Variants in FIBCD1 observed in about 807,000 individuals in gnomAD.
FIBCD1 encodes fibrinogen C domain containing 1, also known as fibrinogen C domain-containing protein 1.
In FIBCD1, 47 loss-of-function variants were observed where a neutral mutation model predicts 45.1. The observed-to-expected ratio is 1.04, with a 90% confidence interval of 0.82 to 1.33. The LOEUF (loss-of-function observed/expected upper bound fraction) is 1.33. FIBCD1 is among the 40% of genes most tolerant of loss of function. FIBCD1 has a pLI of 0.00. For synonymous variants in FIBCD1, 313 were observed against 308.1 expected (o/e 1.02, Z -0.17); for missense variants, 653 against 682.2 (o/e 0.96, Z 0.48).
intron 5 of FIBCD1, among the ~76,000 whole-genome samples, chr9:130,909,600 A>G (rs1831999888): frequency 6.6e-6 from 1 of 152,224 alleles, no homozygotes; most frequent in South Asian, 2.1e-4. Context: ...AAGAACAACC[A>G]GAAAAATCCA....
At chr9:130,939,999 C>T (rs1424354050), upstream of FIBCD1, among the ~76,000 whole-genome samples, 1 of 151,912 alleles carries the variant, frequency 6.6e-6, no homozygotes, top group African/African-American at 2.4e-5. Flanking sequence ...CAGCTCCAGA[C>T]AGACCCCCGT....
intron 1 of FIBCD1, 89 bp downstream of exon 1, chr9:130,938,447 A>G: frequency 8.5e-7 from 1 of 1,172,210 alleles, no homozygotes; most frequent in Non-Finnish European, 1.1e-6. Flanking sequence ...CCCAAACTCC[A>G]GCCCCCGCAA....
intron 6 of FIBCD1, 137 bp from the exon 7 acceptor site, chr9:130,904,460 TAC>T: frequency 7.8e-7 from 1 of 1,284,522 alleles, no homozygotes; most frequent in Non-Finnish European, 1.1e-6. Flanking sequence ...CTCTCACACA[TAC>T]TGCTGTGCAC....
At position 130,938,805 on chromosome 9, in the gene FIBCD1, G is replaced by T. The variant is rs1220908723; in HGVS notation, c.-198C>A. The T allele has an allele frequency of 6.0e-6, 1 of 166,968 alleles. No individual in the cohort carries two copies. The highest frequency in any genetic ancestry group is 1.2e-5 in the Non-Finnish European group (1 of 80,316). The allele number at this position is 166,968 out of a possible 1,614,324, so 10.3% of individuals were successfully genotyped here. A position where few individuals can be genotyped will look rare whatever the true frequency, so the allele number is the denominator to read the frequency against. ...GCTGTGTGCGGGCGGGAGCAGGAGC[G>T]GGAGCGCGAAAGCCGCCAGCCCAAC... On this transcript the variant is annotated 5_prime_UTR_variant, in exon 1 of 7. Coordinates refer to ENST00000372338, the MANE Select transcript of FIBCD1 (RefSeq NM_032843.5).
chr9:130,914,565 A>T (rs1183053483), intron 4 of FIBCD1, among the ~76,000 whole-genome samples: 1 of 152,210 alleles, frequency 6.6e-6, no homozygotes, highest in African/African-American at 2.4e-5. Context: ...CCCAGCAGCC[A>T]GTGGGCGTGC....
chr9:130,938,448 G>T (rs1832555249), intron 1 of FIBCD1, 88 bp downstream of exon 1: 1 of 1,182,106 alleles, frequency 8.5e-7, no homozygotes. Flanking sequence ...CCAAACTCCA[G>T]CCCCCGCAAT....
In FIBCD1 at chr9:130,929,863, C is replaced by T; in HGVS notation, c.256G>A (p.Asp86Asn). 2 of 1,549,744 alleles carry T rather than the reference C, an allele frequency of 1.3e-6. No homozygotes were observed. The highest frequency in any genetic ancestry group is 8.7e-7 in the Non-Finnish European group (1 of 1,146,656). ...ATGAGGATGCTGAGGTGCGAGCTGT[C>T]CGCCCTTTCCACAGTGACCAGGGCG... is the stretch of plus-strand genomic sequence containing the variant. ...NSALVTVERADSSHLSILIDP... is the reference protein window; with the variant it reads ...NSALVTVERANSSHLSILIDP... The change falls in exon 2 of 7, where the codon GAC becomes AAC. Residue 86 changes from aspartate to asparagine, a missense_variant. By Grantham distance (23) the Asp-to-Asn change is conservative (BLOSUM62 1). Transcript: ENST00000372338.
At chr9:130,931,552 G>C (rs1489993750) in intron 1 of FIBCD1, among the ~76,000 whole-genome samples, 1 of 152,126 alleles carries the variant, frequency 6.6e-6, no homozygotes, top group East Asian at 1.9e-4. Context: ...CGGAAACGAA[G>C]GGCAGGCGCG....
intron 5 of FIBCD1, among the ~76,000 whole-genome samples, chr9:130,908,146 T>C (rs1831967706): frequency 6.6e-6 from 1 of 152,056 alleles, no homozygotes; most frequent in Non-Finnish European, 1.5e-5. Flanking sequence ...ACCTATCATG[T>C]GTTGGACAAA....
rs1302618789 is a variant in FIBCD1 at position 130,904,008 on chromosome 9, T to G, written c.*56A>C. 1 of 1,582,992 alleles carries G rather than the reference T, an allele frequency of 6.3e-7. No individual in the cohort carries two copies. The highest frequency in any genetic ancestry group is 1.4e-5 in the African/African-American group (1 of 73,758). ...GGAGAACATTCACGAAAGAGTGAGG[T>G]GGGGTCGGGGATGGGGCGACAGGGA... On this transcript the variant is annotated 3_prime_UTR_variant, in exon 7 of 7. Transcript: ENST00000372338.
At chr9:130,907,758 G>C (rs979548353) in intron 5 of FIBCD1, among the ~76,000 whole-genome samples, 2 of 152,050 alleles carry the variant, frequency 1.3e-5, no homozygotes, top group Non-Finnish European at 2.9e-5. Context: ...AATTAGCCGG[G>C]CGTGGTGGCG....
chr9:130,911,756 G>A, intron 5 of FIBCD1, 36 bp downstream of exon 5: 1 of 1,553,998 alleles, frequency 6.4e-7, no homozygotes. Context: ...AGGGGGAGGA[G>A]GCCCACCTGG....
At position 130,929,845 on chromosome 9, in the gene FIBCD1, T is replaced by C. The variant is rs1433406161; in HGVS notation, c.274A>G (p.Ile92Val). The part of the protein sequence containing the change: ...VERADSSHLS[I>V]LIDPRCPDLT... ...TCGGGGCAGCGCGGGTCAATGAGGATGCTGAGGTGCGAGCTGTCCGCCCTT... is the reference window on the plus strand; with the variant it reads ...TCGGGGCAGCGCGGGTCAATGAGGACGCTGAGGTGCGAGCTGTCCGCCCTT... Residue 92 changes from isoleucine (I) to valine (V), a missense_variant, in exon 2 of 7, where the codon ATC becomes GTC. By Grantham distance (29) the Ile-to-Val change is conservative. Coordinates refer to ENST00000372338, the MANE Select transcript of FIBCD1 (RefSeq NM_032843.5). 7 of 1,549,654 alleles carry C rather than the reference T, an allele frequency of 4.5e-6. No homozygotes were observed. The Admixed American group carries it at 1.2e-4, about 26-fold the overall frequency.
In FIBCD1 at chr9:130,903,428, C is replaced by T. The variant is rs1028324362; in HGVS notation, c.*636G>A. 8 of 161,558 alleles carry T rather than the reference C, an allele frequency of 5.0e-5. No individual in the cohort carries two copies. Among genetic ancestry groups the T allele is most frequent in the African/African-American group, 1.2e-4 (5 of 41,586 alleles). 10.0% of individuals were successfully genotyped at this position (161,558 alleles called of 1,614,324 possible). On this transcript the variant is annotated 3_prime_UTR_variant, in exon 7 of 7. Transcript: ENST00000372338. ...GGTGGGTGGCCTCCAGGGAACTGGTCTCAGCCTTGGAGCGTGGGTCCCCAA... is the reference window on the plus strand; with the variant it reads ...GGTGGGTGGCCTCCAGGGAACTGGTTTCAGCCTTGGAGCGTGGGTCCCCAA...
chr9:130,915,410 C>G (rs1452889352), intron 4 of FIBCD1, among the ~76,000 whole-genome samples: 1 of 152,222 alleles, frequency 6.6e-6, no homozygotes, highest in Non-Finnish European at 1.5e-5. Flanking sequence ...CACTTAGAAA[C>G]TGCAGCAATT....
rs776098735 is a variant in FIBCD1 at position 130,905,386 on chromosome 9, G to A, written c.974C>T (p.Thr325Ile). The A allele has an allele frequency of 1.2e-6, 2 of 1,613,976 alleles. No individual in the cohort carries two copies. The highest frequency in any genetic ancestry group is 1.7e-4 in the Middle Eastern group (1 of 6,060). Residue 325 changes from threonine (T) to isoleucine (I), a missense_variant, in exon 6 of 7, where the codon ACA (threonine) becomes ATA (isoleucine). Transcript: ENST00000372338. ...CACGTGCAGCTCGTAGGCAGCCTGT[G>A]TGGTCAGGGCGTGGATCCTCTTGAG... ...LGLKRIHALT[T>I]QAAYELHVDL...
intron 2 of FIBCD1, among the ~76,000 whole-genome samples, chr9:130,929,016 G>T (rs1229268418): frequency 1.3e-5 from 2 of 152,164 alleles, no homozygotes; most frequent in Admixed American, 6.5e-5. Context: ...GGGGGCAGGG[G>T]TGGGGAGGGT....
chr9:130,907,593 A>T (rs1831951799), intron 5 of FIBCD1, among the ~76,000 whole-genome samples: 1 of 152,126 alleles, frequency 6.6e-6, no homozygotes, highest in Non-Finnish European at 1.5e-5. Context: ...TCAACCTAAA[A>T]CAACACTAGA....
intron 1 of FIBCD1, among the ~76,000 whole-genome samples, chr9:130,933,219 TTTTATGGGCTGCCG>T (rs1211578900): frequency 6.6e-6 from 1 of 152,224 alleles, no homozygotes; most frequent in Admixed American, 6.5e-5. Flanking sequence ...TACTGTTCGC[TTTTATGGGCTGCCG>T]TTTACGTGCC....
Sources: allele counts gnomAD v4.1 joint callset (sites outside exome capture counted in the v4.1 genomes callset), GRCh38; gene constraint gnomAD v4.1.1; transcripts MANE v1.5; gene names NCBI Gene and HGNC (gene_info 2026-07-23, HGNC 2026-07-21).